TBC1D19: variants seen among roughly 807,000 people sequenced by gnomAD.
The protein encoded by TBC1D19 is TBC1 domain family, member 19.
TBC1D19 carries 60 observed loss-of-function variants against 89.0 expected under a neutral mutation model. The observed-to-expected ratio is 0.67, with a 90% CI of 0.55 to 0.84. The LOEUF is 0.84. TBC1D19 is among the 40% of genes least tolerant of loss of function. The pLI, the probability that TBC1D19 is intolerant of heterozygous loss-of-function variation, is 0.00. For synonymous variants in TBC1D19, 189 were observed against 199.7 expected (o/e 0.95, Z 0.45); for missense variants, 500 against 610.8 (o/e 0.82, Z 1.91).
intron 3 of TBC1D19, among the ~76,000 whole-genome samples, chr4:26,614,859 G>T (rs559146440): frequency 6.6e-6 from 1 of 151,994 alleles, no homozygotes. Flanking sequence ...TGTATTTTTA[G>T]TAGAGATAGG....
At chr4:26,708,321 A>G (rs112425083) in intron 13 of TBC1D19, among the ~76,000 whole-genome samples, 406 of 152,152 alleles carry the variant, frequency 2.7e-3, no homozygotes, top group African/African-American at 9.3e-3. Flanking sequence ...GTTTCTGATG[A>G]GAAATCTGCT....
chr4:26,630,856 G>A (rs1742764048), intron 4 of TBC1D19, among the ~76,000 whole-genome samples: 2 of 151,992 alleles, frequency 1.3e-5, no homozygotes, highest in South Asian at 2.1e-4. Flanking sequence ...GTGAGTCAGC[G>A]AGTGAATAAA....
At chr4:26,587,107 A>C (rs1739462475) in intron 1 of TBC1D19, among the ~76,000 whole-genome samples, 1 of 152,078 alleles carries the variant, frequency 6.6e-6, no homozygotes, top group Non-Finnish European at 1.5e-5. Context: ...ATATGTTCAT[A>C]TTATTTTTCC....
the TBC1D19 span, among the ~76,000 whole-genome samples, chr4:26,794,848 G>A: frequency 6.6e-6 from 1 of 152,170 alleles, no homozygotes; most frequent in Admixed American, 6.5e-5. Flanking sequence ...TCAGAAAATT[G>A]TCTTGGCTTT....
chr4:26,715,093 A>C (rs1716499920), intron 13 of TBC1D19, among the ~76,000 whole-genome samples: 1 of 151,932 alleles, frequency 6.6e-6, no homozygotes, highest in African/African-American at 2.4e-5. Context: ...TTGTATCTTC[A>C]GTTTAAACTT....
At chr4:26,629,990 T>A (rs766909452) in intron 4 of TBC1D19, among the ~76,000 whole-genome samples, 39 of 151,906 alleles carry the variant, frequency 2.6e-4, no homozygotes, top group South Asian at 4.2e-4. Flanking sequence ...GATAGCTGGG[T>A]TATAATTAGT....
rs533372713 is a variant in TBC1D19 at position 26,605,535 on chromosome 4, G to A, written c.100-7634G>A. ...ACATACGTGTGCATGTGTCTTTATA[G>A]CAGCATGATTTATAATCCTTTGAGT... is the stretch of plus-strand genomic sequence containing the variant. On this transcript the variant is annotated intron_variant, in intron 1 of 20. Transcript: ENST00000264866. Among the ~76,000 whole-genome samples, 7 of 152,118 alleles carry A rather than the reference G, an allele frequency of 4.6e-5. No homozygotes were observed. In the East Asian group the frequency reaches 7.7e-4, roughly 17 times the overall value.
intron 15 of TBC1D19, among the ~76,000 whole-genome samples, chr4:26,732,509 C>T (rs753544574): frequency 6.6e-6 from 1 of 152,072 alleles, no homozygotes; most frequent in Non-Finnish European, 1.5e-5. Flanking sequence ...ATCGCAGGGA[C>T]ACAGCACATG....
At chr4:26,625,631 C>T (rs1250612780) in intron 4 of TBC1D19, among the ~76,000 whole-genome samples, 1 of 152,102 alleles carries the variant, frequency 6.6e-6, no homozygotes, top group African/African-American at 2.4e-5. Flanking sequence ...TCTTTAGACT[C>T]TCTTGGCTAT....
chr4:26,763,477 A>G, the TBC1D19 span, among the ~76,000 whole-genome samples: 1 of 152,246 alleles, frequency 6.6e-6, no homozygotes, highest in African/African-American at 2.4e-5. Flanking sequence ...ACCGTCAACT[A>G]GGAAATGTTT....
chr4:26,834,447 G>C, the TBC1D19 span, among the ~76,000 whole-genome samples: 2 of 152,106 alleles, frequency 1.3e-5, no homozygotes, highest in Non-Finnish European at 2.9e-5. Context: ...GTTGGGGGTT[G>C]GATCAATGCC....
At chr4:26,829,981 G>T in the TBC1D19 span, among the ~76,000 whole-genome samples, 5 of 152,142 alleles carry the variant, frequency 3.3e-5, no homozygotes, top group African/African-American at 4.8e-5. Flanking sequence ...CCCCTTCCAT[G>T]CCTATAAAAG....
At chr4:26,657,487 T>G (rs534216277) in intron 7 of TBC1D19, among the ~76,000 whole-genome samples, 271 of 152,230 alleles carry the variant, frequency 1.8e-3, no homozygotes, top group African/African-American at 6.2e-3. Flanking sequence ...GTCTATGATT[T>G]ATGGGCATTT....
At chr4:26,672,845 C>A (rs1313532423) in intron 10 of TBC1D19, among the ~76,000 whole-genome samples, 1 of 151,778 alleles carries the variant, frequency 6.6e-6, no homozygotes, top group East Asian at 1.9e-4. Flanking sequence ...TGATTTGACA[C>A]TTTTATTAAG....
intron 15 of TBC1D19, among the ~76,000 whole-genome samples, chr4:26,731,038 A>T (rs1717629634): frequency 6.6e-6 from 1 of 152,204 alleles, no homozygotes; most frequent in African/African-American, 2.4e-5. Flanking sequence ...GTCTAAAAGC[A>T]GCTTTGGATG....
chr4:26,584,776 C>T (rs1739316969), intron 1 of TBC1D19, among the ~76,000 whole-genome samples: 1 of 152,100 alleles, frequency 6.6e-6, no homozygotes, highest in Non-Finnish European at 1.5e-5. Context: ...GCAATTATTC[C>T]TCGTCTATCC....
In TBC1D19 at chr4:26,748,441, A is replaced by C. The variant is rs1718770159; in HGVS notation, c.1350A>C (p.Arg450=). ...PLRISFKWMV[R]AFSGYLATDQ... ...GCATATCATTTAAGTGGATGGTTCG[A>C]GCTTTCTCTGGATACTTAGCTACAG... The change falls in exon 19 of 21, where the codon CGA becomes CGC. Residue 450 remains arginine (R), a synonymous_variant. Transcript: ENST00000264866. The C allele has an allele frequency of 5.0e-6, 8 of 1,613,806 alleles. No homozygotes were observed. The highest frequency in any genetic ancestry group is 6.8e-6 in the Non-Finnish European group (8 of 1,179,834).
At position 26,648,719 on chromosome 4, in the gene TBC1D19, TA is replaced by T. The variant is rs542312169; in HGVS notation, c.480+8538del. 3.7e-3 allele frequency among the ~76,000 whole-genome samples: 564 copies of T among 152,308 alleles called. 3 individuals are homozygous for T. Among genetic ancestry groups the T allele is most frequent in the Middle Eastern group, 0.014 (4 of 294 alleles). On this transcript the variant is annotated intron_variant, in intron 7 of 20. Coordinates refer to ENST00000264866, the MANE Select transcript of TBC1D19 (RefSeq NM_018317.4). ...TTTGAATGTTGAAGAGACAGGTTAG[TA>T]AAAAACTGCCTTTATGATGATGGCT...
intron 13 of TBC1D19, among the ~76,000 whole-genome samples, chr4:26,713,247 A>G (rs1337194836): frequency 6.6e-6 from 1 of 152,082 alleles, no homozygotes; most frequent in Non-Finnish European, 1.5e-5. Context: ...AAATCACAAC[A>G]TAAAATTGAC....
Sources: gnomAD v4.1 joint callset for allele counts (sites outside exome capture counted in the v4.1 genomes callset) on GRCh38, gnomAD v4.1.1 for gene constraint, MANE v1.5 for transcripts, NCBI Gene and HGNC (gene_info 2026-07-23, HGNC 2026-07-21) for gene names.